Variants in LHX6 observed in about 807,000 individuals in gnomAD.
The protein encoded by LHX6 is LIM/homeobox protein Lhx6.
LHX6 carries 15 observed loss-of-function variants against 47.1 expected under a neutral mutation model. The observed-to-expected ratio is 0.32, with a 90% CI of 0.21 to 0.49. The LOEUF is 0.49. Ranked by LOEUF, LHX6 falls within the 20% of genes least tolerant of loss-of-function variation. The pLI, the probability that LHX6 is intolerant of heterozygous loss-of-function variation, is 0.99. For synonymous variants in LHX6, 242 were observed against 233.5 expected (o/e 1.04, Z -0.33); for missense variants, 404 against 539.6 (o/e 0.75, Z 2.49).
intron 4 of LHX6, among the ~76,000 whole-genome samples, chr9:122,224,980 A>G (rs1401459911): frequency 2.0e-5 from 3 of 152,024 alleles, no homozygotes; most frequent in Non-Finnish European, 4.4e-5. Context: ...CATCCATCCC[A>G]TAAAGGAAGA....
chr9:122,204,431 A>G lies in LHX6; in HGVS notation c.*329T>C. 7.8e-6 allele frequency: 3 copies of G among 385,130 alleles called. No individual in the cohort carries two copies. The highest frequency in any genetic ancestry group is 9.2e-6 in the Non-Finnish European group (2 of 217,216). 23.9% of individuals were successfully genotyped at this position (385,130 alleles called of 1,614,324 possible). A position where few individuals can be genotyped will look rare whatever the true frequency, so the allele number is the denominator to read the frequency against. ...ATGAGAAGGCCGTTGGCATCGCACA[A>G]TTCAATTCCGCCTTTTGTTATTGTA... is the stretch of plus-strand genomic sequence containing the variant. On this transcript the variant is annotated 3_prime_UTR_variant, in exon 10 of 10. Transcript: ENST00000394319.
At chr9:122,221,451 C>A in intron 4 of LHX6, 2 of 985,510 alleles carry the variant, frequency 2.0e-6, no homozygotes, top group Non-Finnish European at 2.4e-6. Context: ...CCCGCTGGAG[C>A]CCGCGACAGA....
intron 4 of LHX6, among the ~76,000 whole-genome samples, chr9:122,225,604 C>T (rs1442950319): frequency 6.6e-6 from 1 of 152,268 alleles, no homozygotes; most frequent in Non-Finnish European, 1.5e-5. Context: ...AGTTCTCCCA[C>T]TTCCCATCCT....
At chr9:122,227,157 G>T (rs980525148) in intron 2 of LHX6, 127 bp from the exon 3 acceptor site, 3 of 936,322 alleles carry the variant, frequency 3.2e-6, no homozygotes, top group Non-Finnish European at 4.6e-6. Context: ...ATGCGCCGTA[G>T]ACTGAAGGAC....
intron 4 of LHX6, among the ~76,000 whole-genome samples, chr9:122,218,356 C>T (rs1830677703): frequency 6.6e-6 from 1 of 152,164 alleles, no homozygotes; most frequent in African/African-American, 2.4e-5. Flanking sequence ...CTTACCCAGC[C>T]CCTGAAGCTT....
intron 4 of LHX6, among the ~76,000 whole-genome samples, chr9:122,222,241 G>A (rs1020648327): frequency 6.6e-6 from 1 of 152,206 alleles, no homozygotes; most frequent in Admixed American, 6.5e-5. Flanking sequence ...GGCAGCAGCT[G>A]CAGGTATGTC....
rs1372664704 is a variant in LHX6, at chr9:122,226,081, C to T, written c.461+295G>A. ...TCCACCGAGGCGCTCGAGGTCAGAACTGAAGCCTGAGACTTAGGCAGGACC... is the reference window on the plus strand; with the variant it reads ...TCCACCGAGGCGCTCGAGGTCAGAATTGAAGCCTGAGACTTAGGCAGGACC... On this transcript the variant is annotated intron_variant, in intron 4 of 9. Coordinates refer to ENST00000394319, the MANE Select transcript of LHX6 (RefSeq NM_014368.5). The surrounding 1 kb of genome is among the most constrained non-coding windows in gnomAD (Gnocchi z 6.5). 2.0e-5 allele frequency among the ~76,000 whole-genome samples: 3 copies of T among 152,178 alleles called. No homozygotes were observed. The highest frequency in any genetic ancestry group is 1.3e-4 in the Admixed American group (2 of 15,280).
chr9:122,219,408 C>T (rs1830731622), intron 4 of LHX6, among the ~76,000 whole-genome samples: 1 of 152,228 alleles, frequency 6.6e-6, no homozygotes, highest in African/African-American at 2.4e-5. Context: ...AGACCACGGT[C>T]TCTGTTCCCC....
chr9:122,209,568 C>T, intron 9 of LHX6, 46 bp downstream of exon 9: 1 of 1,612,710 alleles, frequency 6.2e-7, no homozygotes, highest in Non-Finnish European at 8.5e-7. Flanking sequence ...AACCCATCCC[C>T]AGCAGGGTGG....
At chr9:122,220,591 C>G (rs975617505) in intron 4 of LHX6, among the ~76,000 whole-genome samples, 1 of 152,254 alleles carries the variant, frequency 6.6e-6, no homozygotes, top group African/African-American at 2.4e-5. Flanking sequence ...GAACTGCCAC[C>G]AGAGCACCAA....
At chr9:122,205,448 C>T (rs992270338) in intron 9 of LHX6, among the ~76,000 whole-genome samples, 2 of 152,212 alleles carry the variant, frequency 1.3e-5, no homozygotes, top group African/African-American at 4.8e-5. Flanking sequence ...TTCCCCCTCC[C>T]ACTCCCACCT....
chr9:122,228,018 G>C, intron 1 of LHX6: 1 of 312,488 alleles, frequency 3.2e-6, no homozygotes, highest in Non-Finnish European at 6.0e-6. Context: ...GCAAAAAGGA[G>C]AAAAGAGAGA....
intron 9 of LHX6, among the ~76,000 whole-genome samples, chr9:122,207,175 G>T (rs929001106): frequency 6.6e-6 from 1 of 152,104 alleles, no homozygotes; most frequent in African/African-American, 2.4e-5. Flanking sequence ...CTAGGATCCC[G>T]GCCAGTTCTG....
intron 8 of LHX6, among the ~76,000 whole-genome samples, chr9:122,211,576 A>G (rs1830399060): frequency 6.6e-6 from 1 of 152,244 alleles, no homozygotes; most frequent in South Asian, 2.1e-4. Context: ...ACTGTAGTTT[A>G]CCATAGAGCA....
chr9:122,223,088 G>A (rs2118900665), intron 4 of LHX6, among the ~76,000 whole-genome samples: 1 of 152,338 alleles, frequency 6.6e-6, no homozygotes. Context: ...CAGAGCTTGG[G>A]CTGCAGTGCA....
intron 1 of LHX6, 165 bp downstream of exon 1, chr9:122,228,492 C>CA (rs909067660): frequency 2.2e-6 from 3 of 1,335,270 alleles, no homozygotes; most frequent in African/African-American, 2.0e-5. Context: ...CGCGACCCCC[C>CA]CCCCCCGCTC....
rs1032192935 is a variant in LHX6 at position 122,213,491 on chromosome 9, A to C, written c.1054+115T>G. On this transcript the variant is annotated intron_variant, in intron 8 of 9. Transcript: ENST00000394319. The surrounding 1 kb of genome is among the most constrained non-coding windows in gnomAD (Gnocchi z 5.5). ...AAATGACTTCGGGTCCCGCTTCTTC[A>C]CCCACGAGGCTCCCCAAGGCCCTCC... The C allele has an allele frequency of 3.1e-5, 29 of 936,586 alleles. No individual in the cohort carries two copies. Among genetic ancestry groups the C allele is most frequent in the Non-Finnish European group, 3.9e-5 (25 of 647,570 alleles). 58.0% of individuals were successfully genotyped at this position (936,586 alleles called of 1,614,324 possible). A position where few individuals can be genotyped will look rare whatever the true frequency, so the allele number is the denominator to read the frequency against.
Position 122,209,624 on chromosome 9 carries a change from C to T in LHX6, c.1148G>A (p.Arg383Gln), listed in dbSNP as rs774135453. ...KADMDGPLSN[R>Q]GEKVILFQY ...CCTGGCTCCATTTACCTTCTCACCCCGGTTGGAGAGCGGCCCATCCATATC... is the reference window on the plus strand; with the variant it reads ...CCTGGCTCCATTTACCTTCTCACCCTGGTTGGAGAGCGGCCCATCCATATC... Residue 383 changes from arginine (R) to glutamine (Q), a missense_variant, in exon 9 of 10, where the codon CGG becomes CAG. Physicochemically the swap from Arg to Gln is conservative, Grantham distance 43. Transcript: ENST00000394319. The T allele has an allele frequency of 6.2e-6, 10 of 1,608,968 alleles. No homozygotes were observed. The highest frequency in any genetic ancestry group is 1.1e-5 in the South Asian group (1 of 90,988).
Position 122,204,649 on chromosome 9 carries a change from G to A in LHX6, c.*111C>T. Reference sequence around the variant, plus strand: ...CTGGTGGTGGGCAGGATGGCGGACGGGGGTGGATGCGGAGGTGGGTGGACT... The same window carrying A: ...CTGGTGGTGGGCAGGATGGCGGACGAGGGTGGATGCGGAGGTGGGTGGACT... On this transcript the variant is annotated 3_prime_UTR_variant, in exon 10 of 10. Transcript: ENST00000394319. The A allele has an allele frequency of 7.5e-7, 1 of 1,333,286 alleles. No individual in the cohort carries two copies. Among genetic ancestry groups the A allele is most frequent in the Non-Finnish European group, 1.0e-6 (1 of 965,068 alleles). The allele number at this position is 1,333,286 out of a possible 1,614,324, so 82.6% of individuals were successfully genotyped here. A position where few individuals can be genotyped will look rare whatever the true frequency, so the allele number is the denominator to read the frequency against.
Sources: allele counts gnomAD v4.1 joint callset (sites outside exome capture counted in the v4.1 genomes callset), GRCh38; gene constraint gnomAD v4.1.1; non-coding constraint Gnocchi (gnomAD v3.1); transcripts MANE v1.5; gene names NCBI Gene and HGNC (gene_info 2026-07-23, HGNC 2026-07-21).